Variants in MAGI3 observed in about 807,000 individuals in gnomAD.
MAGI3 encodes the protein membrane-associated guanylate kinase, WW and PDZ domain-containing protein 3.
MAGI3 carries 43 observed loss-of-function variants against 121.8 expected under a neutral mutation model. That is an observed-to-expected ratio of 0.35 (90% CI 0.28 to 0.46). MAGI3 has a LOEUF of 0.46. MAGI3 is among the 20% of genes least tolerant of loss of function. The pLI is 1.00. For synonymous variants in MAGI3, 553 were observed against 639.3 expected, an observed-to-expected ratio of 0.86 and a Z score of 2.04; for missense variants, 1,547 against 1,797.3, an observed-to-expected ratio of 0.86 and a Z score of 2.52.
intron 1 of MAGI3, among the ~76,000 whole-genome samples, chr1:113,437,856 T>C (rs55815919): frequency 0.033 from 1,709 of 51,668 alleles, 106 homozygotes; most frequent in Non-Finnish European, 0.036. Flanking sequence ...TTCTTCTTCT[T>C]CTTCTTCCTC....
At chr1:113,450,125 G>A in intron 1 of MAGI3, 1 of 1,469,168 alleles carries the variant, frequency 6.8e-7, no homozygotes, top group Non-Finnish European at 9.4e-7. Context: ...GGCAGAGTGG[G>A]AAAAAGAGGA....
chr1:113,583,718 T>C (rs1648185983), intron 3 of MAGI3, among the ~76,000 whole-genome samples: 1 of 151,944 alleles, frequency 6.6e-6, no homozygotes, highest in South Asian at 2.1e-4. Flanking sequence ...GGCTTTTTCA[T>C]TGGTTCTTTG....
chr1:113,580,329 AGTCT>A (rs969849475), intron 2 of MAGI3, among the ~76,000 whole-genome samples: 4 of 68,260 alleles, frequency 5.9e-5, no homozygotes, highest in Non-Finnish European at 1.4e-4. Flanking sequence ...CTTTAAAATA[AGTCT>A]GTCTTTCACC....
intron 1 of MAGI3, among the ~76,000 whole-genome samples, chr1:113,429,180 C>T (rs569230191): frequency 6.6e-6 from 1 of 152,316 alleles, no homozygotes; most frequent in South Asian, 2.1e-4. Flanking sequence ...TTTGGAATCA[C>T]CTTGTCAATG....
intron 4 of MAGI3, among the ~76,000 whole-genome samples, chr1:113,585,848 T>G (rs927824749): frequency 5.3e-5 from 8 of 152,204 alleles, no homozygotes; most frequent in African/African-American, 1.7e-4. Context: ...ATTACCCTGC[T>G]GTTTAAAATA....
At chr1:113,664,753 GT>G (rs1288853080) in intron 16 of MAGI3, among the ~76,000 whole-genome samples, 1 of 152,162 alleles carries the variant, frequency 6.6e-6, no homozygotes, top group Non-Finnish European at 1.5e-5. Flanking sequence ...AAGCATGAAG[GT>G]GTTGTCTTAT....
intron 1 of MAGI3, among the ~76,000 whole-genome samples, chr1:113,536,928 C>A (rs1167673806): frequency 1.3e-5 from 2 of 152,196 alleles, no homozygotes; most frequent in African/African-American, 4.8e-5. Flanking sequence ...CAGTGGCCCT[C>A]ACTGTTTAAT....
In MAGI3 at chr1:113,614,609, T is replaced by G; in HGVS notation, c.1027T>G (p.Tyr343Asp). The G allele has an allele frequency of 1.2e-6, 2 of 1,609,656 alleles. No individual in the cohort carries two copies. The highest frequency in any genetic ancestry group is 1.7e-6 in the Non-Finnish European group (2 of 1,177,092). The change falls in exon 7 of 21, where the codon TAT (tyrosine) becomes GAT (aspartate). Residue 343 changes from tyrosine to aspartate, a missense_variant. Tyr to Asp is a radical substitution (Grantham distance 160). Coordinates refer to ENST00000307546, the MANE Select transcript of MAGI3 (RefSeq NM_001142782.2). ...ATTTTCTTTATTTACAGAGCTTCCTTATGGCTGGGAGAAAATAGAGGACCC... is the reference window on the plus strand; with the variant it reads ...ATTTTCTTTATTTACAGAGCTTCCTGATGGCTGGGAGAAAATAGAGGACCC... ...PEDCEDGELP[Y>D]GWEKIEDPQY...
chr1:113,522,127 A>T (rs376134778), intron 1 of MAGI3, among the ~76,000 whole-genome samples: 49 of 151,446 alleles, frequency 3.2e-4, no homozygotes, highest in African/African-American at 1.1e-3. Flanking sequence ...TTCTTTTTTG[A>T]GACAGGGTCT....
chr1:113,607,516 T>A (rs1476394564), intron 6 of MAGI3, among the ~76,000 whole-genome samples: 4 of 152,252 alleles, frequency 2.6e-5, no homozygotes, highest in Non-Finnish European at 4.4e-5. Context: ...AAACCCAGAC[T>A]AATAGCAAGA....
At chr1:113,554,089 A>C (rs1258860429) in intron 2 of MAGI3, among the ~76,000 whole-genome samples, 1 of 152,220 alleles carries the variant, frequency 6.6e-6, no homozygotes, top group East Asian at 1.9e-4. Flanking sequence ...GCATCTAATA[A>C]AAAATTACTA....
intron 6 of MAGI3, among the ~76,000 whole-genome samples, chr1:113,600,342 T>C (rs1219441922): frequency 6.6e-6 from 1 of 151,892 alleles, no homozygotes; most frequent in Non-Finnish European, 1.5e-5. Context: ...CAGCCCAAAA[T>C]CTCCTTAAGC....
chr1:113,553,450 C>CA (rs1398587777), intron 2 of MAGI3, among the ~76,000 whole-genome samples: 2 of 152,040 alleles, frequency 1.3e-5, no homozygotes, highest in African/African-American at 4.8e-5. Flanking sequence ...AAGGTTAAAC[C>CA]AAAAAATCTC....
intron 15 of MAGI3, among the ~76,000 whole-genome samples, chr1:113,657,678 G>T (rs144424978): frequency 6.6e-6 from 1 of 152,204 alleles, no homozygotes; most frequent in African/African-American, 2.4e-5. Context: ...ATGACCTGCC[G>T]TATGTTTCTG....
chr1:113,463,120 A>C (rs910261163), intron 1 of MAGI3, among the ~76,000 whole-genome samples: 1 of 152,228 alleles, frequency 6.6e-6, no homozygotes, highest in Non-Finnish European at 1.5e-5. Context: ...ACAAATCTCC[A>C]GTCTAGTGGT....
intron 16 of MAGI3, among the ~76,000 whole-genome samples, chr1:113,660,985 T>G (rs1222351690): frequency 6.6e-6 from 1 of 152,092 alleles, no homozygotes; most frequent in Non-Finnish European, 1.5e-5. Flanking sequence ...TCTGAGGGCT[T>G]CTGTCCCATT....
At chr1:113,604,565 C>CAAAAAAA (rs59047770) in intron 6 of MAGI3, among the ~76,000 whole-genome samples, 5 of 62,008 alleles carry the variant, frequency 8.1e-5, no homozygotes, top group Non-Finnish European at 7.9e-5. Context: ...GTCTCCATCT[C>CAAAAAAA]AAAAAAAAAA....
rs1571053452 is a variant in MAGI3 at position 113,685,807 on chromosome 1, T to C, written c.*1793T>C. 2 of 152,374 alleles carry C rather than the reference T, an allele frequency of 1.3e-5. No homozygotes were observed. Among genetic ancestry groups the C allele is most frequent in the African/African-American group, 4.8e-5 (2 of 41,470 alleles). The allele number at this position is 152,374 out of a possible 1,614,324, so 9.4% of individuals were successfully genotyped here. A position where few individuals can be genotyped will look rare whatever the true frequency, so the allele number is the denominator to read the frequency against. On this transcript the variant is annotated 3_prime_UTR_variant, in exon 21 of 21. Transcript: ENST00000307546. Reference sequence around the variant, plus strand: ...TGGAATGCTGAGCAAAATGTGGATGTACTGGTTGTAAATGTTTATATATTG... The same window carrying C: ...TGGAATGCTGAGCAAAATGTGGATGCACTGGTTGTAAATGTTTATATATTG...
chr1:113,422,044 A>ATC lies in MAGI3; in HGVS notation c.316+30705_316+30706dup, dbSNP rs1223977420. On this transcript the variant is annotated intron_variant, in intron 1 of 20. Transcript: ENST00000307546. The surrounding 1 kb of genome is among the most constrained non-coding windows in gnomAD (Gnocchi z 4.3). ...ACTTTATGTAAAACATGCCCTGCCCATCTCTCTCTCTTTACCCTTTTACTG... is the reference window on the plus strand; with the variant it reads ...ACTTTATGTAAAACATGCCCTGCCCATCTCTCTCTCTCTTTACCCTTTTACTG... 6.6e-6 allele frequency among the ~76,000 whole-genome samples: 1 copy of ATC among 152,126 alleles called. No individual in the cohort carries two copies. Among genetic ancestry groups the ATC allele is most frequent in the East Asian group, 1.9e-4 (1 of 5,202 alleles).
Sources: gnomAD v4.1 joint callset for allele counts (sites outside exome capture counted in the v4.1 genomes callset) on GRCh38, gnomAD v4.1.1 for gene constraint, Gnocchi (gnomAD v3.1) non-coding constraint, MANE v1.5 for transcripts, NCBI Gene and HGNC (gene_info 2026-07-23, HGNC 2026-07-21) for gene names.